The following RNF38 variants were observed in gnomAD, a reference collection of about 807,000 sequenced individuals.
The protein encoded by RNF38 is ring finger protein 38.
In RNF38, 15 loss-of-function variants were observed where a neutral mutation model predicts 67.2. The observed-to-expected ratio is 0.22, with a 90% CI of 0.15 to 0.34. The LOEUF is 0.34. Among genes scored for constraint, RNF38 ranks in the 10% least tolerant of loss-of-function variants. The pLI, the probability that RNF38 is intolerant of heterozygous loss-of-function variation, is 1.00. For synonymous variants in RNF38, 220 were observed against 218.8 expected, an observed-to-expected ratio of 1.01 and a Z score of -0.05; for missense variants, 524 against 639.9, an observed-to-expected ratio of 0.82 and a Z score of 1.95.
intron 2 of RNF38, among the ~76,000 whole-genome samples, chr9:36,415,535 C>G (rs1044789962): frequency 6.6e-6 from 1 of 152,122 alleles, no homozygotes; most frequent in South Asian, 2.1e-4. Context: ...GTGCTCTCCC[C>G]CTTCCCCTAG....
rs936764889 is a variant in RNF38, at chr9:36,441,093, G to C, written n.242-16410C>G. Among the ~76,000 whole-genome samples, 3 of 152,098 alleles carry C rather than the reference G, an allele frequency of 2.0e-5. No individual in the cohort carries two copies. The East Asian group carries it at 5.8e-4, about 29-fold the overall frequency. The stretch of plus-strand genomic sequence containing the variant: ...GAGAGTCGGGTCCTGGGAGGAAAGA[G>C]GGTGTTAGAAGAAAAGATGAGAAAG... On this transcript the variant is annotated intron_variant and non_coding_transcript_variant, in intron 1 of 3. Transcript: ENST00000488058.
intron 9 of RNF38, among the ~76,000 whole-genome samples, chr9:36,347,644 T>C (rs1296762948): frequency 6.6e-6 from 1 of 152,228 alleles, no homozygotes; most frequent in Non-Finnish European, 1.5e-5. Context: ...GACTGGCTAT[T>C]CGCCCATCTC....
rs988658352 is a variant in RNF38 at position 36,358,410 on chromosome 9, G to A, written c.571-468C>T. Among the ~76,000 whole-genome samples, 6 of 152,150 alleles carry A rather than the reference G, an allele frequency of 3.9e-5. No individual in the cohort carries two copies. In the East Asian group the frequency reaches 5.8e-4, roughly 15 times the overall value. On this transcript the variant is annotated intron_variant, in intron 4 of 11. Transcript: ENST00000259605. ...TCCTACCTGCCACCCAGAGGCAAAC[G>A]ATGCTGATAACATATCCTTCTTCTC... is the stretch of plus-strand genomic sequence containing the variant.
chr9:36,408,894 G>A (rs970918875), intron 2 of RNF38, among the ~76,000 whole-genome samples: 2 of 152,164 alleles, frequency 1.3e-5, no homozygotes, highest in Admixed American at 1.3e-4. Flanking sequence ...AATAAATGAT[G>A]TTATGCACAT....
chr9:36,406,894 G>A (rs1330907212), intron 2 of RNF38, among the ~76,000 whole-genome samples: 2 of 152,178 alleles, frequency 1.3e-5, no homozygotes, highest in Non-Finnish European at 2.9e-5. Flanking sequence ...GGGCGCGGTG[G>A]CTCACGCCTG....
At chr9:36,430,717 A>C (rs936729076) in intron 1 of RNF38, among the ~76,000 whole-genome samples, 3 of 152,064 alleles carry the variant, frequency 2.0e-5, no homozygotes, top group Non-Finnish European at 4.4e-5. Context: ...ATTTGAATGG[A>C]AATATGAGGA....
intron 1 of RNF38, among the ~76,000 whole-genome samples, chr9:36,440,518 CG>C (rs1332278973): frequency 1.4e-5 from 2 of 147,244 alleles, no homozygotes; most frequent in Non-Finnish European, 1.5e-5. Context: ...GCAACAAGAG[CG>C]AAACTCCATC....
chr9:36,415,826 G>A (rs1162450538), intron 2 of RNF38, among the ~76,000 whole-genome samples: 1 of 152,240 alleles, frequency 6.6e-6, no homozygotes, highest in African/African-American at 2.4e-5. Flanking sequence ...GACAGACTCA[G>A]AACCTCTGGT....
chr9:36,361,721 C>T (rs907628318), intron 4 of RNF38, among the ~76,000 whole-genome samples: 1 of 152,114 alleles, frequency 6.6e-6, no homozygotes, highest in Admixed American at 6.5e-5. Context: ...AGGTTCAGTG[C>T]CATCAAGGGA....
chr9:36,389,781 C>CATTG (rs1432666630), intron 2 of RNF38, among the ~76,000 whole-genome samples: 17 of 152,188 alleles, frequency 1.1e-4, no homozygotes, highest in Non-Finnish European at 2.5e-4. Context: ...GGTTTATACA[C>CATTG]ATTGGCCTGC....
At chr9:36,437,539 TAGA>T (rs777644089) in intron 1 of RNF38, among the ~76,000 whole-genome samples, 6 of 147,686 alleles carry the variant, frequency 4.1e-5, no homozygotes, top group Non-Finnish European at 7.4e-5. Flanking sequence ...GACAAATTTA[TAGA>T]AGGAGCAAGG....
chr9:36,487,432 C>T, exon 1 of RNF38: 3 of 980,204 alleles, frequency 3.1e-6, no homozygotes, highest in South Asian at 9.1e-5. Context: ...GTGGGGGGCG[C>T]GGGCGGCGCG....
intron 4 of RNF38, among the ~76,000 whole-genome samples, chr9:36,364,043 C>A (rs75421413): frequency 0.046 from 2,291 of 49,456 alleles, 94 homozygotes; most frequent in Non-Finnish European, 0.059. Context: ...GTTGGCCAGG[C>A]TGGCTCGAAC....
chr9:36,425,158 C>G (rs1306513366), intron 1 of RNF38, among the ~76,000 whole-genome samples: 1 of 152,236 alleles, frequency 6.6e-6, no homozygotes, highest in Non-Finnish European at 1.5e-5. Flanking sequence ...TAAATGTATA[C>G]CAAATATACC....
At chr9:36,435,850 C>T (rs1207472470) in intron 1 of RNF38, among the ~76,000 whole-genome samples, 2 of 152,038 alleles carry the variant, frequency 1.3e-5, no homozygotes, top group African/African-American at 2.4e-5. Flanking sequence ...AGGATGGTCT[C>T]GATATCCTGA....
At chr9:36,454,469 A>C (rs1275368299) in intron 1 of RNF38, among the ~76,000 whole-genome samples, 1 of 151,758 alleles carries the variant, frequency 6.6e-6, no homozygotes, top group Non-Finnish European at 1.5e-5. Flanking sequence ...AAAATATCAT[A>C]CCTATTACAT....
chr9:36,439,099 A>G (rs1839136053), intron 1 of RNF38, among the ~76,000 whole-genome samples: 1 of 152,200 alleles, frequency 6.6e-6, no homozygotes, highest in Non-Finnish European at 1.5e-5. Context: ...GGAGGGGACT[A>G]TTGAATTCAA....
chr9:36,422,731 G>A (rs1416287161), intron 2 of RNF38, among the ~76,000 whole-genome samples: 1 of 152,204 alleles, frequency 6.6e-6, no homozygotes, highest in Non-Finnish European at 1.5e-5. Flanking sequence ...TCTTTACCCT[G>A]CTGATCTCCT....
At chr9:36,455,113 G>C (rs1839556207) in intron 1 of RNF38, among the ~76,000 whole-genome samples, 1 of 151,030 alleles carries the variant, frequency 6.6e-6, no homozygotes, top group Non-Finnish European at 1.5e-5. Context: ...TGTGCAGAGT[G>C]CGGTGGTGCG....
Sources: gnomAD v4.1 joint callset for allele counts (sites outside exome capture counted in the v4.1 genomes callset) on GRCh38, gnomAD v4.1.1 for gene constraint, MANE v1.5 for transcripts, NCBI Gene and HGNC (gene_info 2026-07-23, HGNC 2026-07-21) for gene names.